MYH14: variants seen among roughly 807,000 people sequenced by gnomAD.
MYH14 encodes the protein myosin heavy chain 14, also known as myosin-14.
MYH14 carries 123 observed loss-of-function variants against 255.5 expected under a neutral mutation model. The observed-to-expected ratio is 0.48, with a 90% CI of 0.42 to 0.56. The LOEUF (loss-of-function observed/expected upper bound fraction) is 0.56. Ranked by LOEUF, MYH14 falls within the 20% of genes least tolerant of loss-of-function variation. The pLI is 0.00. For missense variants in MYH14, 2,423 were observed against 2,802.3 expected, an observed-to-expected ratio of 0.86 and a Z score of 3.06; for synonymous variants, 1,095 against 1,161.2, an observed-to-expected ratio of 0.94 and a Z score of 1.16.
At chr19:50,236,658 A>AGTG (rs2033671556) in intron 10 of MYH14, among the ~76,000 whole-genome samples, 8 of 152,204 alleles carry the variant, frequency 5.3e-5, no homozygotes, top group Admixed American at 4.6e-4. Flanking sequence ...CAGTGAGCCA[A>AGTG]GATTAAGCCA....
chr19:50,293,465 G>A lies in MYH14; in HGVS notation c.5346-99G>A. On this transcript the variant is annotated intron_variant, in intron 38 of 42. Coordinates refer to ENST00000642316, the MANE Select transcript of MYH14 (RefSeq NM_001145809.2). This position sits in a 1 kb window ranked among gnomAD's most constrained non-coding sequence, Gnocchi z 4.1. ...GGGGCCCCTGGGGTGTGAGGCTGGG[G>A]AGATGCGTGGGGCTAACCACAGGGT... 2 of 1,556,096 alleles carry A rather than the reference G, an allele frequency of 1.3e-6. No individual in the cohort carries two copies. The highest frequency in any genetic ancestry group is 1.7e-6 in the Non-Finnish European group (2 of 1,147,124).
Position 50,230,619 on chromosome 19 carries a change from C to T in MYH14, c.969C>T (p.Leu323=). Residue 323 remains leucine, a synonymous_variant, in exon 9 of 43, where the codon CTC becomes CTT. Transcript: ENST00000642316. The surrounding 1 kb of genome is among the most constrained non-coding windows in gnomAD (Gnocchi z 4.7). ...YQLLGGAGEQ[L]KADLLLEPCS... ...TGCTGGGGGGCGCTGGAGAGCAGCTCAAAGGTCAGTGCCGCCCCGTCCTAC... is the reference window on the plus strand; with the variant it reads ...TGCTGGGGGGCGCTGGAGAGCAGCTTAAAGGTCAGTGCCGCCCCGTCCTAC... The T allele has an allele frequency of 1.3e-6, 2 of 1,561,362 alleles. No homozygotes were observed. The highest frequency in any genetic ancestry group is 1.7e-6 in the Non-Finnish European group (2 of 1,153,038).
At chr19:50,273,732 C>T (rs1191332885) in intron 27 of MYH14, among the ~76,000 whole-genome samples, 2 of 151,948 alleles carry the variant, frequency 1.3e-5, no homozygotes, top group East Asian at 1.9e-4. Flanking sequence ...ACCTCTGCCT[C>T]CCAGGTTCAA....
chr19:50,268,030 G>A lies in MYH14; in HGVS notation c.2827-131G>A, dbSNP rs1600985136. 1.1e-5 allele frequency: 13 copies of A among 1,150,630 alleles called. No individual in the cohort carries two copies. In the East Asian group the frequency reaches 1.3e-4, roughly 12 times the overall value. 71.3% of individuals were successfully genotyped at this position (1,150,630 alleles called of 1,614,324 possible). ...CTGAGGGGGAGGAGGTGGGGACACC[G>A]TGTCCTCCTGCCCCTCAGTCCTGCC... On this transcript the variant is annotated intron_variant, in intron 23 of 42. Coordinates refer to ENST00000642316, the MANE Select transcript of MYH14 (RefSeq NM_001145809.2).
In MYH14 at chr19:50,271,863, G is replaced by A; in HGVS notation, c.3186G>A (p.Leu1062=). Residue 1062 remains leucine (L), a synonymous_variant, in exon 26 of 43, where the codon CTG becomes CTA. Coordinates refer to ENST00000642316, the MANE Select transcript of MYH14 (RefSeq NM_001145809.2). The stretch of plus-strand genomic sequence containing the variant: ...CCACCCCTCAGGAGCGGAAGCTGCT[G>A]GAAGATCGTCTGGCCGAGTTCTCAT... ...NSKLSKERKL[L]EDRLAEFSSQ... is the part of the protein sequence containing the mutation. The A allele has an allele frequency of 6.2e-7, 1 of 1,613,400 alleles. No homozygotes were observed. Among genetic ancestry groups the A allele is most frequent in the Non-Finnish European group, 8.5e-7 (1 of 1,179,836 alleles).
chr19:50,275,049 CAT>C (rs777999887), intron 27 of MYH14, among the ~76,000 whole-genome samples: 14 of 152,240 alleles, frequency 9.2e-5, no homozygotes, highest in Admixed American at 3.9e-4. Context: ...TTTCATACAA[CAT>C]GTGGCCTTTT....
chr19:50,271,930 A>G lies in MYH14; in HGVS notation c.3253A>G (p.Lys1085Glu). 6.2e-7 allele frequency: 1 copy of G among 1,612,162 alleles called. No homozygotes were observed. Among genetic ancestry groups the G allele is most frequent in the Non-Finnish European group, 8.5e-7 (1 of 1,179,246 alleles). Residue 1085 changes from lysine (K) to glutamate (E), a missense_variant, in exon 26 of 43, where the codon AAG becomes GAG. Physicochemically the swap from Lys to Glu is moderately conservative, Grantham distance 56. This residue lies in a region of MYH14 where 1,513 missense variants were observed against 1,674.8 expected (regional missense o/e 0.90). Transcript: ENST00000642316. ...EEEEKVKSLN[K>E]LRLKYEATIA... is the part of the protein sequence containing the mutation. ...GGAGGAGAAGGTCAAGAGCCTCAAT[A>G]AGCTACGGCTCAAATATGAGGCCAC...
chr19:50,207,052 GA>G (rs11334892), intron 1 of MYH14, among the ~76,000 whole-genome samples: 15,057 of 36,836 alleles, frequency 0.41, 2,452 homozygotes, highest in South Asian at 0.62. Flanking sequence ...GTTTCTACCA[GA>G]AAAAAAAAAA....
chr19:50,254,240 A>G (rs955450908), intron 16 of MYH14, among the ~76,000 whole-genome samples: 5 of 152,122 alleles, frequency 3.3e-5, no homozygotes, highest in African/African-American at 1.2e-4. Context: ...AAAGGAAAAA[A>G]AAAGAAAACA....
At chr19:50,294,261 A>G (rs937864080) in intron 39 of MYH14, among the ~76,000 whole-genome samples, 1 of 152,080 alleles carries the variant, frequency 6.6e-6, no homozygotes, top group African/African-American at 2.4e-5. Flanking sequence ...GTGGGAACCT[A>G]GAAGGGACTA....
chr19:50,236,640 G>A (rs1450933085), intron 10 of MYH14, among the ~76,000 whole-genome samples: 4 of 151,952 alleles, frequency 2.6e-5, no homozygotes, highest in South Asian at 2.1e-4. Flanking sequence ...CCCGGGAGGC[G>A]GAGGTTGCAG....
chr19:50,299,704 G>A (rs1310294410), intron 39 of MYH14, among the ~76,000 whole-genome samples: 1 of 151,996 alleles, frequency 6.6e-6, no homozygotes, highest in African/African-American at 2.4e-5. Flanking sequence ...TAGCAGTTTG[G>A]GAGACCGAGG....
Position 50,250,664 on chromosome 19 carries a change from C to T in MYH14, c.1806C>T (p.Phe602=). Residue 602 remains phenylalanine, a synonymous_variant, in exon 15 of 43, where the codon TTC becomes TTT. Coordinates refer to ENST00000642316, the MANE Select transcript of MYH14 (RefSeq NM_001145809.2). This position sits in a 1 kb window ranked among gnomAD's most constrained non-coding sequence, Gnocchi z 5.4. ...RPRHLRDQAD[F]SVLHYAGKVD... is the part of the protein sequence containing the mutation. ...GGCACCTGCGGGATCAGGCCGACTTCAGTGTTCTCCACTACGCGGGCAAGG... is the reference window on the plus strand; with the variant it reads ...GGCACCTGCGGGATCAGGCCGACTTTAGTGTTCTCCACTACGCGGGCAAGG... 6.2e-7 allele frequency: 1 copy of T among 1,613,726 alleles called. No homozygotes were observed. Among genetic ancestry groups the T allele is most frequent in the East Asian group, 2.2e-5 (1 of 44,876 alleles).
chr19:50,224,097 G>C, intron 5 of MYH14, 57 bp from the exon 6 acceptor site: 1 of 1,441,714 alleles, frequency 6.9e-7, no homozygotes, highest in Non-Finnish European at 9.5e-7. Context: ...CTGTGTGTCT[G>C]TCCACGTTCC....
chr19:50,231,358 G>T (rs1048992116), intron 9 of MYH14, among the ~76,000 whole-genome samples: 4 of 152,256 alleles, frequency 2.6e-5, no homozygotes. Flanking sequence ...CCAACCAGTG[G>T]CCCCTGCCTG....
chr19:50,207,639 GAGA>G (rs1288814120), intron 1 of MYH14, among the ~76,000 whole-genome samples: 2 of 152,202 alleles, frequency 1.3e-5, no homozygotes, highest in Non-Finnish European at 2.9e-5. Context: ...CCATTTTATG[GAGA>G]AGGAGTCAGG....
At chr19:50,232,934 G>T (rs1247578256) in intron 10 of MYH14, among the ~76,000 whole-genome samples, 1 of 152,074 alleles carries the variant, frequency 6.6e-6, no homozygotes, top group Non-Finnish European at 1.5e-5. Flanking sequence ...CTGTGGGAGG[G>T]CTGGGAGCAG....
Position 50,281,762 on chromosome 19 carries a change from C to G in MYH14, c.4459C>G (p.Leu1487Val), listed in dbSNP as rs777968101. Residue 1487 changes from leucine to valine, a missense_variant, in exon 33 of 43, where the codon CTG (leucine) becomes GTG (valine). Leu to Val is a conservative substitution (Grantham distance 32). This residue lies in a region of MYH14 where 1,513 missense variants were observed against 1,674.8 expected (regional missense o/e 0.90). Coordinates refer to ENST00000642316, the MANE Select transcript of MYH14 (RefSeq NM_001145809.2). Reference sequence around the variant, plus strand: ...GGGCCGCCGCCGGCTGCAGCAGGAGCTGGACGACGCCACCATGGACCTGGA... The same window carrying G: ...GGGCCGCCGCCGGCTGCAGCAGGAGGTGGACGACGCCACCATGGACCTGGA... ...ERGRRRLQQE[L>V]DDATMDLEQQ... 4.3e-6 allele frequency: 7 copies of G among 1,612,400 alleles called. No homozygotes were observed. In the South Asian group the frequency reaches 7.7e-5, roughly 18 times the overall value.
intron 11 of MYH14, 137 bp from the exon 12 acceptor site, chr19:50,246,867 C>T (rs911712123): frequency 1.6e-6 from 1 of 618,960 alleles, no homozygotes. Flanking sequence ...ACTTTTGGGA[C>T]TCGTAATGCC....
Sources: gnomAD v4.1 joint callset for allele counts (sites outside exome capture counted in the v4.1 genomes callset) on GRCh38, gnomAD v4.1.1 for gene constraint, gnomAD v4.1.1 regional missense constraint, Gnocchi (gnomAD v3.1) non-coding constraint, MANE v1.5 for transcripts, NCBI Gene and HGNC (gene_info 2026-07-23, HGNC 2026-07-21) for gene names.